The following TMEM108 variants were observed in gnomAD, a reference collection of about 807,000 sequenced individuals.
The protein encoded by TMEM108 is transmembrane protein 108.
In TMEM108, 12 loss-of-function variants were observed where a neutral mutation model predicts 35.1. That is an observed-to-expected ratio of 0.34 (90% CI 0.22 to 0.55). TMEM108 has a LOEUF of 0.55. TMEM108 is among the 20% of genes least tolerant of loss of function. TMEM108 has a pLI of 0.89. For missense variants in TMEM108, 680 were observed against 753.3 expected, an observed-to-expected ratio of 0.90 and a Z score of 1.14; for synonymous variants, 287 against 308.6, an observed-to-expected ratio of 0.93 and a Z score of 0.73.
intron 4 of TMEM108, among the ~76,000 whole-genome samples, chr3:133,385,264 G>A (rs911671174): frequency 3.3e-5 from 5 of 152,208 alleles, no homozygotes; most frequent in Admixed American, 6.5e-5. Context: ...AAACAGGGAT[G>A]GGAGAGCCTC....
chr3:133,302,836 C>T (rs957493715), intron 3 of TMEM108, among the ~76,000 whole-genome samples: 4 of 152,118 alleles, frequency 2.6e-5, no homozygotes, highest in Non-Finnish European at 5.9e-5. Context: ...TGGGTATCTT[C>T]GGGCCACCCC....
At chr3:133,273,094 A>C (rs1946795683) in intron 3 of TMEM108, among the ~76,000 whole-genome samples, 1 of 152,208 alleles carries the variant, frequency 6.6e-6, no homozygotes, top group Admixed American at 6.5e-5. Context: ...CTGAGAATCA[A>C]ATAAAAACTT....
intron 3 of TMEM108, among the ~76,000 whole-genome samples, chr3:133,327,562 G>C (rs1200125795): frequency 1.3e-5 from 2 of 152,126 alleles, no homozygotes; most frequent in South Asian, 2.1e-4. Flanking sequence ...CCTGAGGGCT[G>C]TTGCTTCTGT....
intron 2 of TMEM108, among the ~76,000 whole-genome samples, chr3:133,196,754 G>C (rs1223947713): frequency 1.3e-5 from 2 of 152,160 alleles, no homozygotes; most frequent in Admixed American, 6.5e-5. Context: ...ACATCCCAAG[G>C]CTCCTTCAGT....
At chr3:133,048,595 G>A (rs1185059307) in intron 2 of TMEM108, among the ~76,000 whole-genome samples, 1 of 152,140 alleles carries the variant, frequency 6.6e-6, no homozygotes, top group Admixed American at 6.5e-5. Context: ...AACTGTCCTG[G>A]CAGGTTTGCA....
At chr3:133,323,942 A>G (rs2071298162) in intron 3 of TMEM108, among the ~76,000 whole-genome samples, 1 of 152,208 alleles carries the variant, frequency 6.6e-6, no homozygotes, top group African/African-American at 2.4e-5. Flanking sequence ...ACCCTGTTCA[A>G]CAAGTGGTGC....
chr3:133,245,120 C>G (rs1946366859), intron 3 of TMEM108, among the ~76,000 whole-genome samples: 1 of 152,140 alleles, frequency 6.6e-6, no homozygotes, highest in African/African-American at 2.4e-5. Flanking sequence ...AAAGTCTATG[C>G]CGTCAGACCT....
chr3:133,246,489 A>G (rs962654905), intron 3 of TMEM108: 1 of 149,144 alleles, frequency 6.7e-6, no homozygotes, highest in Non-Finnish European at 1.5e-5. Context: ...AAAAAAAAAA[A>G]GCAAAGTTAG....
chr3:133,243,485 A>T (rs1024976920), intron 3 of TMEM108, among the ~76,000 whole-genome samples: 9 of 138,156 alleles, frequency 6.5e-5, no homozygotes, highest in Non-Finnish European at 1.4e-4. Context: ...TCACACTAAA[A>T]TTGGTCTGAT....
chr3:133,292,361 A>G (rs1351887537), intron 3 of TMEM108, among the ~76,000 whole-genome samples: 2 of 152,100 alleles, frequency 1.3e-5, no homozygotes, highest in East Asian at 3.9e-4. Context: ...CTCCAGTTCC[A>G]TTGTTTTTAC....
At chr3:133,095,729 C>T (rs941916542) in intron 2 of TMEM108, among the ~76,000 whole-genome samples, 7 of 152,034 alleles carry the variant, frequency 4.6e-5, no homozygotes, top group East Asian at 1.9e-4. Flanking sequence ...GCCACTGATC[C>T]GACAGGCGGT....
At chr3:133,102,248 CAGA>C (rs1944098420) in intron 2 of TMEM108, among the ~76,000 whole-genome samples, 1 of 152,156 alleles carries the variant, frequency 6.6e-6, no homozygotes, top group Non-Finnish European at 1.5e-5. Context: ...GCGCATCTTT[CAGA>C]AGGAGTGGAG....
chr3:133,290,417 T>C (rs1341645014), intron 3 of TMEM108, among the ~76,000 whole-genome samples: 1 of 152,070 alleles, frequency 6.6e-6, no homozygotes, highest in Non-Finnish European at 1.5e-5. Flanking sequence ...GGTCAGGAGT[T>C]TGAGACCAGA....
intron 3 of TMEM108, among the ~76,000 whole-genome samples, chr3:133,336,360 AGTTAAGAGAACTTT>A (rs1489128341): frequency 6.6e-6 from 1 of 152,108 alleles, no homozygotes; most frequent in Non-Finnish European, 1.5e-5. Context: ...GAGAGGGAAG[AGTTAAGAGAACTTT>A]GTTTTGCCTC....
intron 2 of TMEM108, among the ~76,000 whole-genome samples, chr3:133,102,729 C>A (rs938114757): frequency 6.6e-6 from 1 of 151,980 alleles, no homozygotes; most frequent in African/African-American, 2.4e-5. Flanking sequence ...ATTCAGTGTC[C>A]CTGAAATTAG....
At chr3:133,364,877 C>T (rs187549404) in intron 3 of TMEM108, among the ~76,000 whole-genome samples, 6 of 152,250 alleles carry the variant, frequency 3.9e-5, no homozygotes, top group South Asian at 2.1e-4. Context: ...TAAGAGAAGC[C>T]GGATCAGGCA....
intron 2 of TMEM108, among the ~76,000 whole-genome samples, chr3:133,225,024 G>A (rs995355868): frequency 1.4e-5 from 2 of 147,566 alleles, no homozygotes; most frequent in African/African-American, 2.5e-5. Flanking sequence ...CATAGCCTCT[G>A]GAAACTCAAA....
intron 2 of TMEM108, among the ~76,000 whole-genome samples, chr3:133,106,084 A>G (rs188767459): frequency 6.6e-6 from 1 of 151,954 alleles, no homozygotes; most frequent in Non-Finnish European, 1.5e-5. Context: ...CATACTTATA[A>G]TAAGTGCAGA....
intron 3 of TMEM108, among the ~76,000 whole-genome samples, chr3:133,296,526 G>T (rs1947147282): frequency 6.6e-6 from 1 of 151,798 alleles, no homozygotes; most frequent in African/African-American, 2.4e-5. Context: ...ATACCAGGTT[G>T]CTAGGCTGCC....
Sources: gnomAD v4.1 joint callset for allele counts (sites outside exome capture counted in the v4.1 genomes callset) on GRCh38, gnomAD v4.1.1 for gene constraint, MANE v1.5 for transcripts, NCBI Gene and HGNC (gene_info 2026-07-23, HGNC 2026-07-21) for gene names.